The following LIPC variants were observed in gnomAD, a reference collection of about 807,000 sequenced individuals.
The protein encoded by LIPC is hepatic triacylglycerol lipase.
Under a neutral mutation model 50.7 loss-of-function variants are expected in LIPC, and 44 were observed. The ratio of observed to expected loss-of-function variants is 0.87; its 90% confidence interval spans 0.68 to 1.11. The LOEUF is 1.11. Among genes scored for constraint, LIPC ranks in the 50% most tolerant of loss-of-function variants. The pLI, the probability that LIPC is intolerant of heterozygous loss-of-function variation, is 0.00. For synonymous variants in LIPC, 271 were observed against 256.4 expected (o/e 1.06, Z -0.54); for missense variants, 697 against 648.2 (o/e 1.08, Z -0.82).
chr15:58,550,253 G>C (rs370608979), intron 6 of LIPC, among the ~76,000 whole-genome samples: 1 of 152,292 alleles, frequency 6.6e-6, no homozygotes, highest in Admixed American at 6.5e-5. Context: ...CTTTCTCCTT[G>C]AAATCACCTG....
chr15:58,450,122 A>G (rs1290553068), intron 1 of LIPC, among the ~76,000 whole-genome samples: 4 of 152,180 alleles, frequency 2.6e-5, no homozygotes, highest in Admixed American at 2.6e-4. Flanking sequence ...AAGACCCCCA[A>G]GGAGCTTACT....
At chr15:58,439,732 G>A (rs1213767458) in intron 1 of LIPC, among the ~76,000 whole-genome samples, 1 of 152,144 alleles carries the variant, frequency 6.6e-6, no homozygotes, top group African/African-American at 2.4e-5. Context: ...GTGAGCCACC[G>A]CCCCCGGCCA....
At chr15:58,456,589 G>A (rs1049803043) in intron 1 of LIPC, among the ~76,000 whole-genome samples, 2 of 152,124 alleles carry the variant, frequency 1.3e-5, no homozygotes, top group Non-Finnish European at 2.9e-5. Flanking sequence ...CTCCCTCCTA[G>A]GAGGACTGCA....
At chr15:58,538,581 T>C in intron 2 of LIPC, 64 bp downstream of exon 2, 1 of 1,483,420 alleles carries the variant, frequency 6.7e-7, no homozygotes, top group Non-Finnish European at 9.4e-7. Flanking sequence ...CTTTCTAGCG[T>C]GTTCATGTTC....
At chr15:58,433,496 T>TTGTGAA (rs1893190594) in intron 1 of LIPC, among the ~76,000 whole-genome samples, 1 of 152,232 alleles carries the variant, frequency 6.6e-6, no homozygotes, top group Non-Finnish European at 1.5e-5. Context: ...CGTTCGACAT[T>TTGTGAA]ATGTTTGTGA....
At chr15:58,540,261 A>G (rs750097461) in intron 2 of LIPC, among the ~76,000 whole-genome samples, 1 of 152,332 alleles carries the variant, frequency 6.6e-6, no homozygotes, top group East Asian at 1.9e-4. Flanking sequence ...CCAACCTAGT[A>G]TATGTCTCCT....
intron 7 of LIPC, among the ~76,000 whole-genome samples, chr15:58,562,442 A>G (rs1198705905): frequency 2.0e-5 from 3 of 152,122 alleles, no homozygotes; most frequent in Non-Finnish European, 4.4e-5. Context: ...TCCAATTTCA[A>G]TCAGCCTGCT....
chr15:58,461,953 C>T (rs2140710748), intron 1 of LIPC, among the ~76,000 whole-genome samples: 1 of 151,814 alleles, frequency 6.6e-6, no homozygotes, highest in African/African-American at 2.4e-5. Flanking sequence ...TCCACCCCCA[C>T]AGTTCAAACC....
rs3052238 is a variant in LIPC, at chr15:58,459,401, C to CTTTT, written c.88+27290_88+27293dup. On this transcript the variant is annotated intron_variant, in intron 1 of 8. Coordinates refer to ENST00000299022, the MANE Select transcript of LIPC (RefSeq NM_000236.3). ...TTTTGGAGAATCGACTTTTTTCTTT[C>CTTTT]TTTTTTTTTTTTGATGTCCCTTAGA... is the stretch of plus-strand genomic sequence containing the variant. Among the ~76,000 whole-genome samples, 1,386 of 145,864 alleles carry CTTTT rather than the reference C, an allele frequency of 9.5e-3. 12 individuals carry two copies. The highest frequency in any genetic ancestry group is 0.023 in the African/African-American group (898 of 39,742).
chr15:58,549,472 T>C (rs1893670084), intron 6 of LIPC, among the ~76,000 whole-genome samples: 1 of 152,228 alleles, frequency 6.6e-6, no homozygotes. Context: ...CATCAGCTCC[T>C]TGTGGTTCTC....
chr15:58,510,873 C>T (rs1432927339), intron 1 of LIPC, among the ~76,000 whole-genome samples: 1 of 152,246 alleles, frequency 6.6e-6, no homozygotes, highest in Admixed American at 6.5e-5. Context: ...TGACACATTG[C>T]CAAGTAATGC....
chr15:58,506,651 G>C (rs1372572829), intron 1 of LIPC, among the ~76,000 whole-genome samples: 4 of 152,156 alleles, frequency 2.6e-5, no homozygotes, highest in African/African-American at 7.2e-5. Flanking sequence ...CCCTAACAAA[G>C]CACCAGTATT....
chr15:58,455,281 C>T (rs934417878), intron 1 of LIPC, among the ~76,000 whole-genome samples: 12 of 152,204 alleles, frequency 7.9e-5, no homozygotes, highest in African/African-American at 2.7e-4. Flanking sequence ...TAAAACTACT[C>T]AACTCTGCTA....
intron 1 of LIPC, among the ~76,000 whole-genome samples, chr15:58,445,972 T>G (rs1470548623): frequency 1.3e-5 from 2 of 152,224 alleles, no homozygotes; most frequent in Non-Finnish European, 2.9e-5. Context: ...AGTGTTCAAC[T>G]ACAGAAAGAA....
chr15:58,440,345 C>A (rs1053138243), intron 1 of LIPC, among the ~76,000 whole-genome samples: 1 of 152,178 alleles, frequency 6.6e-6, no homozygotes. Flanking sequence ...CTAGGACTGA[C>A]CTTTCCGTGA....
intron 1 of LIPC, among the ~76,000 whole-genome samples, chr15:58,515,614 C>G (rs1333020587): frequency 6.6e-6 from 1 of 151,436 alleles, no homozygotes; most frequent in East Asian, 1.9e-4. Flanking sequence ...AGATCATCAG[C>G]CAATCCCCTT....
intron 1 of LIPC, among the ~76,000 whole-genome samples, chr15:58,491,224 A>T (rs1391921416): frequency 6.6e-6 from 1 of 152,152 alleles, no homozygotes; most frequent in Admixed American, 6.5e-5. Flanking sequence ...TCATGAAATG[A>T]CAGCACCTGC....
At chr15:58,482,813 G>A (rs1410371964) in intron 1 of LIPC, among the ~76,000 whole-genome samples, 1 of 152,170 alleles carries the variant, frequency 6.6e-6, no homozygotes, top group East Asian at 1.9e-4. Context: ...TGGGTTTGGG[G>A]GCTTTTGAAA....
At chr15:58,511,052 G>A (rs1892314361) in intron 1 of LIPC, among the ~76,000 whole-genome samples, 1 of 152,192 alleles carries the variant, frequency 6.6e-6, no homozygotes. Context: ...ATCTCAAATA[G>A]CTTAAGAGAC....
Sources: gnomAD v4.1 joint callset for allele counts (sites outside exome capture counted in the v4.1 genomes callset) on GRCh38, gnomAD v4.1.1 for gene constraint, MANE v1.5 for transcripts, NCBI Gene and HGNC (gene_info 2026-07-23, HGNC 2026-07-21) for gene names.